The following SIRT1 variants were observed in gnomAD, a reference collection of about 807,000 sequenced individuals.
The protein encoded by SIRT1 is sirtuin 1, also known as NAD-dependent protein deacetylase sirtuin-1.
A neutral mutation model predicts 67.9 loss-of-function variants in SIRT1; 24 were observed. The ratio of observed to expected loss-of-function variants is 0.35; its 90% CI spans 0.26 to 0.50. The LOEUF is 0.50. SIRT1 is among the 20% of genes least tolerant of loss of function. SIRT1 has a pLI of 0.98. For missense variants in SIRT1, 873 were observed against 937.2 expected (o/e 0.93, Z 0.89); for synonymous variants, 378 against 350.7 (o/e 1.08, Z -0.87).
At position 67,912,926 on chromosome 10, in the gene SIRT1, G is replaced by C; in HGVS notation, c.1810G>C (p.Gly604Arg). ...QMENPDLKNV[G>R]SSTGEKNERT... ...GGAAAATCCGGATTTGAAGAATGTT[G>C]GTTCTAGTACTGGGGAGAAAAATGA... Residue 604 changes from glycine to arginine, a missense_variant, in exon 8 of 9, where the codon GGT (glycine) becomes CGT (arginine). By Grantham distance (125) the Gly-to-Arg change is moderately radical (BLOSUM62 -2). Around this residue, in one of 3 missense-constraint regions of SIRT1, gnomAD observed 295 missense variants for 294.5 expected, o/e 1.00. Coordinates refer to ENST00000212015, the MANE Select transcript of SIRT1 (RefSeq NM_012238.5). 1 of 1,614,130 alleles carries C rather than the reference G, an allele frequency of 6.2e-7. No individual in the cohort carries two copies.
At position 67,912,711 on chromosome 10, in the gene SIRT1, T is replaced by C; in HGVS notation, c.1595T>C (p.Leu532Pro). The C allele has an allele frequency of 1.2e-6, 2 of 1,614,140 alleles. No individual in the cohort carries two copies. Among genetic ancestry groups the C allele is most frequent in the Non-Finnish European group, 1.7e-6 (2 of 1,180,032 alleles). The change falls in exon 8 of 9, where the codon CTT becomes CCT. Residue 532 changes from leucine to proline, a missense_variant. Transcript: ENST00000212015. ...AYLSELPPTP[L>P]HVSEDSSSPE... ...TTGTCAGAGTTGCCACCCACACCTC[T>C]TCATGTTTCAGAAGACTCAAGTTCA...
intron 1 of SIRT1, chr10:67,885,453 T>C: frequency 8.8e-7 from 1 of 1,142,490 alleles, no homozygotes; most frequent in Non-Finnish European, 1.1e-6. Flanking sequence ...CCTCTTACTC[T>C]TTTAGCATAT....
Position 67,916,756 on chromosome 10 carries a change from C to A in SIRT1, c.*163C>A. 10 of 476,336 alleles carry A rather than the reference C, an allele frequency of 2.1e-5. No homozygotes were observed. Among genetic ancestry groups the A allele is most frequent in the Non-Finnish European group, 2.9e-5 (8 of 277,780 alleles). 29.5% of individuals were successfully genotyped at this position (476,336 alleles called of 1,614,324 possible). A position where few individuals can be genotyped will look rare whatever the true frequency, so the allele number is the denominator to read the frequency against. ...GTTTTTCATGGATAATTTTTAACTT[C>A]ATTATTTCTGTACTTGTACAAACTC... is the stretch of plus-strand genomic sequence containing the variant. On this transcript the variant is annotated 3_prime_UTR_variant, in exon 9 of 9. Coordinates refer to ENST00000212015, the MANE Select transcript of SIRT1 (RefSeq NM_012238.5).
At chr10:67,902,764 A>C (rs1842762796) in intron 4 of SIRT1, among the ~76,000 whole-genome samples, 1 of 152,150 alleles carries the variant, frequency 6.6e-6, no homozygotes, top group African/African-American at 2.4e-5. Context: ...AACATCAGTA[A>C]ATTTTGATGA....
chr10:67,904,188 AC>A (rs1312305028), intron 4 of SIRT1, among the ~76,000 whole-genome samples: 2 of 143,716 alleles, frequency 1.4e-5, no homozygotes, highest in African/African-American at 5.2e-5. Flanking sequence ...GAGCAGTGAT[AC>A]GATCATAGCT....
At chr10:67,900,376 C>G (rs916406756) in intron 4 of SIRT1, among the ~76,000 whole-genome samples, 2 of 152,062 alleles carry the variant, frequency 1.3e-5, no homozygotes, top group Admixed American at 6.6e-5. Flanking sequence ...AACTCCTAAC[C>G]TCAGGTGATC....
At chr10:67,905,346 A>G (rs1305878680) in intron 4 of SIRT1, among the ~76,000 whole-genome samples, 1 of 152,226 alleles carries the variant, frequency 6.6e-6, no homozygotes, top group Non-Finnish European at 1.5e-5. Context: ...TGACTTTATT[A>G]AGCTTTTCCC....
intron 4 of SIRT1, among the ~76,000 whole-genome samples, chr10:67,903,056 G>C (rs1212605106): frequency 6.6e-6 from 1 of 152,188 alleles, no homozygotes; most frequent in Admixed American, 6.5e-5. Context: ...TTGTGCCATT[G>C]CACTCCATCC....
At chr10:67,893,682 C>T (rs1842609113) in intron 4 of SIRT1, among the ~76,000 whole-genome samples, 1 of 151,906 alleles carries the variant, frequency 6.6e-6, no homozygotes, top group African/African-American at 2.4e-5. Context: ...GTTGTTGGGA[C>T]TACAGGCGCG....
chr10:67,899,926 T>C (rs1015760566), intron 4 of SIRT1, among the ~76,000 whole-genome samples: 1 of 151,538 alleles, frequency 6.6e-6, no homozygotes, highest in Non-Finnish European at 1.5e-5. Context: ...CTACTAAAAA[T>C]ACAAAAAATT....
chr10:67,888,616 A>G (rs2131848239), intron 2 of SIRT1, among the ~76,000 whole-genome samples: 1 of 152,340 alleles, frequency 6.6e-6, no homozygotes, highest in South Asian at 2.1e-4. Context: ...ATTAACCATA[A>G]GAACTTAATT....
At chr10:67,903,973 A>G (rs1022471517) in intron 4 of SIRT1, among the ~76,000 whole-genome samples, 2 of 152,030 alleles carry the variant, frequency 1.3e-5, no homozygotes, top group African/African-American at 4.8e-5. Flanking sequence ...TCACACTTTC[A>G]CCATGGAAGA....
chr10:67,897,026 C>T (rs533080975), intron 4 of SIRT1, among the ~76,000 whole-genome samples: 1 of 151,844 alleles, frequency 6.6e-6, no homozygotes, highest in African/African-American at 2.4e-5. Flanking sequence ...CGTGGTGGTG[C>T]ACACCTGTAA....
chr10:67,886,477 G>GTAC (rs912366896), intron 1 of SIRT1, among the ~76,000 whole-genome samples: 1 of 150,376 alleles, frequency 6.6e-6, no homozygotes, highest in African/African-American at 2.4e-5. Flanking sequence ...TTAGTCCCAG[G>GTAC]TACTAGAGTT....
intron 4 of SIRT1, among the ~76,000 whole-genome samples, chr10:67,901,114 T>C (rs185213048): frequency 6.6e-6 from 1 of 152,206 alleles, no homozygotes; most frequent in Admixed American, 6.5e-5. Flanking sequence ...GATCAGAAAT[T>C]GAAGACAGTA....
At chr10:67,890,703 A>C (rs1341562305) in intron 3 of SIRT1, among the ~76,000 whole-genome samples, 1 of 151,974 alleles carries the variant, frequency 6.6e-6, no homozygotes, top group Admixed American at 6.6e-5. Context: ...ACTGCACTCC[A>C]GCCTGGGCGT....
chr10:67,910,229 G>A (rs550105972), intron 7 of SIRT1, among the ~76,000 whole-genome samples: 5 of 152,172 alleles, frequency 3.3e-5, no homozygotes, highest in South Asian at 2.1e-4. Context: ...ACAAAAATTA[G>A]CTGGGCATAG....
chr10:67,895,785 A>G (rs1842649118), intron 4 of SIRT1, among the ~76,000 whole-genome samples: 1 of 108,484 alleles, frequency 9.2e-6, no homozygotes, highest in South Asian at 3.2e-4. Context: ...CTTGTCACCC[A>G]GGCTGGAGTG....
At chr10:67,900,668 TC>T (rs1842731694) in intron 4 of SIRT1, among the ~76,000 whole-genome samples, 1 of 152,066 alleles carries the variant, frequency 6.6e-6, no homozygotes, top group African/African-American at 2.4e-5. Context: ...GGTCTCAAAC[TC>T]CTGAGCTCGA....
Sources: gnomAD v4.1 joint callset for allele counts (sites outside exome capture counted in the v4.1 genomes callset) on GRCh38, gnomAD v4.1.1 for gene constraint, gnomAD v4.1.1 regional missense constraint, MANE v1.5 for transcripts, NCBI Gene and HGNC (gene_info 2026-07-23, HGNC 2026-07-21) for gene names.